PNLIPRP3: variants seen among roughly 807,000 people sequenced by gnomAD.
PNLIPRP3 encodes the protein pancreatic lipase related protein 3, also known as pancreatic lipase-related protein 3.
In PNLIPRP3, 58 loss-of-function variants were observed where a neutral mutation model predicts 52.8. The observed-to-expected ratio is 1.10, with a 90% CI of 0.89 to 1.37. The LOEUF (loss-of-function observed/expected upper bound fraction) is 1.37. Ranked by LOEUF, PNLIPRP3 falls within the 40% of genes most tolerant of loss-of-function variation. The pLI is 0.00. For synonymous variants in PNLIPRP3, 192 were observed against 185.0 expected, an observed-to-expected ratio of 1.04 and a Z score of -0.31; for missense variants, 593 against 561.6, an observed-to-expected ratio of 1.06 and a Z score of -0.57.
At chr10:116,450,479 A>T (rs190551964) in intron 4 of PNLIPRP3, among the ~76,000 whole-genome samples, 12 of 152,336 alleles carry the variant, frequency 7.9e-5, no homozygotes, top group African/African-American at 2.6e-4. Flanking sequence ...AAATGAACAA[A>T]ATAGTGAATA....
intron 1 of PNLIPRP3, among the ~76,000 whole-genome samples, chr10:116,433,190 A>T (rs1845732051): frequency 6.8e-6 from 1 of 147,742 alleles, no homozygotes; most frequent in East Asian, 2.0e-4. Context: ...CAAAACCCCA[A>T]AGCCACTAAG....
At position 116,443,047 on chromosome 10, in the gene PNLIPRP3, T is replaced by C; in HGVS notation, c.205-8T>C. 1.3e-6 allele frequency: 2 copies of C among 1,563,700 alleles called. No individual in the cohort carries two copies. Among genetic ancestry groups the C allele is most frequent in the East Asian group, 2.3e-5 (1 of 43,392 alleles). ...TATTTTTCCTTAATCTCTTTCTGCT[T>C]GAAACAGGAGATCAGTGCGGTTAAT... On this transcript the variant is annotated splice_region_variant and splice_polypyrimidine_tract_variant and intron_variant, in intron 2 of 11. Coordinates refer to ENST00000369230, the MANE Select transcript of PNLIPRP3 (RefSeq NM_001011709.3).
chr10:116,432,979 A>C (rs546803229), intron 1 of PNLIPRP3, among the ~76,000 whole-genome samples: 1 of 151,594 alleles, frequency 6.6e-6, no homozygotes, highest in East Asian at 2.0e-4. Context: ...CCAGGTGTGG[A>C]GGTGCACACC....
chr10:116,430,067 C>A (rs571988499), intron 1 of PNLIPRP3, among the ~76,000 whole-genome samples: 2 of 152,082 alleles, frequency 1.3e-5, no homozygotes, highest in African/African-American at 2.4e-5. Context: ...TGTGCCTTAC[C>A]CCTCAGTAGG....
chr10:116,439,620 A>G (rs1845828731), intron 2 of PNLIPRP3: 14 of 769,552 alleles, frequency 1.8e-5, no homozygotes, highest in Admixed American at 5.2e-5. Flanking sequence ...CACCTTAGTG[A>G]TGTAAGGCTG....
intron 9 of PNLIPRP3, among the ~76,000 whole-genome samples, chr10:116,470,905 A>G (rs1036231212): frequency 5.3e-5 from 8 of 152,112 alleles, no homozygotes. Context: ...GGCCCCATAG[A>G]GGCTCATTGG....
chr10:116,428,003 A>C lies in PNLIPRP3; in HGVS notation c.-10A>C. The C allele has an allele frequency of 1.2e-6, 2 of 1,605,228 alleles. No homozygotes were observed. The highest frequency in any genetic ancestry group is 1.1e-5 in the South Asian group (1 of 90,252). On this transcript the variant is annotated 5_prime_UTR_variant, in exon 1 of 12. Coordinates refer to ENST00000369230, the MANE Select transcript of PNLIPRP3 (RefSeq NM_001011709.3). Reference sequence around the variant, plus strand: ...AGAAGATTTTTATGTGATTTAAAAAATCAGCTTAGATGCTTGGAATTTGGA... The same window carrying C: ...AGAAGATTTTTATGTGATTTAAAAACTCAGCTTAGATGCTTGGAATTTGGA...
intron 2 of PNLIPRP3, 105 bp from the exon 3 acceptor site, chr10:116,442,949 AG>A (rs1845878732): frequency 2.4e-6 from 2 of 824,150 alleles, no homozygotes; most frequent in South Asian, 8.7e-5. Context: ...AGGTTGCTAA[AG>A]ATCAAATTTA....
At chr10:116,434,897 T>C (rs1488131068) in intron 1 of PNLIPRP3, among the ~76,000 whole-genome samples, 1 of 152,118 alleles carries the variant, frequency 6.6e-6, no homozygotes, top group African/African-American at 2.4e-5. Context: ...AGGCACATGT[T>C]CATTCTTCCA....
chr10:116,443,832 T>TAC (rs1845901239), intron 3 of PNLIPRP3, among the ~76,000 whole-genome samples: 6 of 129,750 alleles, frequency 4.6e-5, no homozygotes, highest in African/African-American at 1.7e-4. Context: ...TATATATATA[T>TAC]ATATATATAT....
chr10:116,437,070 G>T (rs2133112885), intron 2 of PNLIPRP3, among the ~76,000 whole-genome samples: 1 of 148,772 alleles, frequency 6.7e-6, no homozygotes, highest in Admixed American at 7.1e-5. Flanking sequence ...TAAATATGAA[G>T]ATTGCTCTTA....
rs1192573156 is a variant in PNLIPRP3, at chr10:116,444,391, C to A, written c.334C>A (p.Gln112Lys). Residue 112 changes from glutamine to lysine, a missense_variant, in exon 4 of 12, where the codon CAG (glutamine) becomes AAG (lysine). Coordinates refer to ENST00000369230, the MANE Select transcript of PNLIPRP3 (RefSeq NM_001011709.3). ...WQRDMCNVLL[Q>K]LEDINCINLD... ...TAAATCTTTGTGCCAGGTGTTGCTA[C>A]AGCTGGAAGATATAAATTGCATTAA... 2 of 1,606,930 alleles carry A rather than the reference C, an allele frequency of 1.2e-6. No individual in the cohort carries two copies. The highest frequency in any genetic ancestry group is 8.5e-7 in the Non-Finnish European group (1 of 1,176,384).
intron 5 of PNLIPRP3, 84 bp from the exon 6 acceptor site, chr10:116,460,882 T>C (rs1212486807): frequency 1.3e-6 from 2 of 1,516,532 alleles, no homozygotes; most frequent in South Asian, 1.2e-5. Flanking sequence ...ATAGAAATAA[T>C]GTAGGAAAGG....
chr10:116,461,330 T>G, intron 7 of PNLIPRP3, 40 bp downstream of exon 7: 1 of 1,591,322 alleles, frequency 6.3e-7, no homozygotes, highest in South Asian at 1.1e-5. Flanking sequence ...TGATGCATAT[T>G]CACTTAGCTC....
At chr10:116,439,750 A>T in intron 2 of PNLIPRP3, 1 of 770,028 alleles carries the variant, frequency 1.3e-6, no homozygotes, top group South Asian at 1.4e-5. Context: ...GAACAGGAAG[A>T]ATCCAGACGG....
At chr10:116,472,300 G>C (rs2133159041) in intron 10 of PNLIPRP3, among the ~76,000 whole-genome samples, 1 of 152,288 alleles carries the variant, frequency 6.6e-6, no homozygotes, top group East Asian at 1.9e-4. Flanking sequence ...ACAGATACAG[G>C]ACATGTGTTA....
chr10:116,429,169 T>G (rs1388949318), intron 1 of PNLIPRP3, among the ~76,000 whole-genome samples: 1 of 152,132 alleles, frequency 6.6e-6, no homozygotes, highest in Non-Finnish European at 1.5e-5. Flanking sequence ...TACAAATACT[T>G]AAAACAAACT....
chr10:116,436,982 A>G, intron 2 of PNLIPRP3, 117 bp downstream of exon 2: 1 of 1,076,746 alleles, frequency 9.3e-7, no homozygotes, highest in South Asian at 2.5e-5. Context: ...CTTAAATGCA[A>G]ACATTTCTTT....
chr10:116,438,757 AT>A (rs1845814943), intron 2 of PNLIPRP3, among the ~76,000 whole-genome samples: 1 of 152,204 alleles, frequency 6.6e-6, no homozygotes. Context: ...CATATGTTAT[AT>A]GAGTTTGACC....
Sources: allele counts gnomAD v4.1 joint callset (sites outside exome capture counted in the v4.1 genomes callset), GRCh38; gene constraint gnomAD v4.1.1; transcripts MANE v1.5; gene names NCBI Gene and HGNC (gene_info 2026-07-23, HGNC 2026-07-21).